Variants in CTNNA2 observed in about 807,000 individuals in gnomAD.
The protein encoded by CTNNA2 is catenin alpha-2.
Under a neutral mutation model 101.0 loss-of-function variants are expected in CTNNA2, and 42 were observed. The ratio of observed to expected loss-of-function variants is 0.42; its 90% confidence interval spans 0.32 to 0.54. The LOEUF (loss-of-function observed/expected upper bound fraction) is 0.54, where lower values mean the gene tolerates loss of function less well. CTNNA2 is among the 20% of genes least tolerant of loss of function. The pLI is 0.14. For missense variants in CTNNA2, 871 were observed against 1,223.1 expected, an observed-to-expected ratio of 0.71 and a Z score of 4.29; for synonymous variants, 450 against 456.4, an observed-to-expected ratio of 0.99 and a Z score of 0.18.
At chr2:79,606,358 C>A (rs1026596071) in intron 1 of CTNNA2, among the ~76,000 whole-genome samples, 1 of 152,160 alleles carries the variant, frequency 6.6e-6, no homozygotes, top group South Asian at 2.1e-4. Flanking sequence ...AGCTCTGCCT[C>A]CCGAGTTCAT....
chr2:79,608,701 A>G (rs775814943), intron 1 of CTNNA2, among the ~76,000 whole-genome samples: 5 of 152,140 alleles, frequency 3.3e-5, no homozygotes, highest in Non-Finnish European at 7.4e-5. Context: ...TTGAAAACTT[A>G]TATTCATTCA....
At chr2:79,320,624 T>C (rs1676598783) in intron 3 of CTNNA2, among the ~76,000 whole-genome samples, 1 of 152,162 alleles carries the variant, frequency 6.6e-6, no homozygotes, top group South Asian at 2.1e-4. Context: ...GACAGCCTTG[T>C]AGATGTTGGA....
intron 2 of CTNNA2, among the ~76,000 whole-genome samples, chr2:79,672,526 C>T (rs941079433): frequency 6.6e-6 from 1 of 151,828 alleles, no homozygotes; most frequent in African/African-American, 2.4e-5. Flanking sequence ...AAAAAGTCAA[C>T]AAGTCAACAT....
At chr2:80,595,590 G>A (rs1436779223) in intron 15 of CTNNA2, among the ~76,000 whole-genome samples, 1 of 152,160 alleles carries the variant, frequency 6.6e-6, no homozygotes, top group East Asian at 1.9e-4. Context: ...CATTGAGTAT[G>A]AATAAAGTAA....
At chr2:79,305,366 A>G (rs1676214037) in intron 2 of CTNNA2, among the ~76,000 whole-genome samples, 1 of 134,278 alleles carries the variant, frequency 7.4e-6, no homozygotes, top group Non-Finnish European at 1.6e-5. Flanking sequence ...ATATACATAT[A>G]TATACACATA....
At chr2:79,342,812 C>T (rs1029258901) in intron 3 of CTNNA2, among the ~76,000 whole-genome samples, 1 of 152,132 alleles carries the variant, frequency 6.6e-6, no homozygotes, top group Non-Finnish European at 1.5e-5. Context: ...GGAGTATTTA[C>T]CATGTGCCTA....
intron 8 of CTNNA2, among the ~76,000 whole-genome samples, chr2:80,417,229 A>G (rs1680122308): frequency 6.6e-6 from 1 of 151,492 alleles, no homozygotes; most frequent in African/African-American, 2.4e-5. Context: ...TTAAATTAAG[A>G]TAACATATTA....
intron 4 of CTNNA2, among the ~76,000 whole-genome samples, chr2:79,485,631 A>G (rs886444621): frequency 2.0e-5 from 3 of 152,234 alleles, no homozygotes; most frequent in Non-Finnish European, 4.4e-5. Context: ...CAGAGCCACA[A>G]CTCTGACTGC....
At chr2:79,895,787 G>A (rs1684671111) in intron 6 of CTNNA2, among the ~76,000 whole-genome samples, 1 of 151,266 alleles carries the variant, frequency 6.6e-6, no homozygotes, top group African/African-American at 2.4e-5. Flanking sequence ...TCAGTAGTAG[G>A]CCCATGGTTT....
At chr2:79,619,263 T>G (rs569227592) in intron 1 of CTNNA2, among the ~76,000 whole-genome samples, 6 of 152,184 alleles carry the variant, frequency 3.9e-5, no homozygotes, top group Non-Finnish European at 7.3e-5. Context: ...ATGAGCATAT[T>G]CTATCCTTAT....
chr2:80,123,705 G>A (rs1701972300), intron 7 of CTNNA2, among the ~76,000 whole-genome samples: 1 of 152,042 alleles, frequency 6.6e-6, no homozygotes, highest in African/African-American at 2.4e-5. Context: ...GTCTTAAAAA[G>A]GGCTTTGAAG....
At chr2:79,434,371 G>GA (rs1180372458) in intron 4 of CTNNA2, among the ~76,000 whole-genome samples, 4 of 151,674 alleles carry the variant, frequency 2.6e-5, no homozygotes, top group African/African-American at 9.7e-5. Context: ...ATGAAAAAGA[G>GA]AACATTCTAG....
At chr2:80,512,286 A>G (rs1484508268) in intron 9 of CTNNA2, among the ~76,000 whole-genome samples, 1 of 152,140 alleles carries the variant, frequency 6.6e-6, no homozygotes, top group East Asian at 1.9e-4. Context: ...AAATATGCCC[A>G]TAACTTCTTG....
intron 7 of CTNNA2, among the ~76,000 whole-genome samples, chr2:80,308,320 G>A (rs1262133465): frequency 6.6e-6 from 1 of 152,178 alleles, no homozygotes; most frequent in African/African-American, 2.4e-5. Flanking sequence ...CAATGTTCAA[G>A]GAAGGAAATT....
intron 3 of CTNNA2, among the ~76,000 whole-genome samples, chr2:79,356,908 CAT>C (rs1677520735): frequency 6.6e-6 from 1 of 152,066 alleles, no homozygotes; most frequent in Non-Finnish European, 1.5e-5. Context: ...GAGATTTAAA[CAT>C]AGTTATGATT....
intron 1 of CTNNA2, among the ~76,000 whole-genome samples, chr2:79,633,294 A>G (rs1173263079): frequency 6.6e-6 from 1 of 152,228 alleles, no homozygotes; most frequent in Non-Finnish European, 1.5e-5. Flanking sequence ...CAACAGTGTC[A>G]TGCCTAGTTA....
intron 3 of CTNNA2, among the ~76,000 whole-genome samples, chr2:79,761,580 A>G (rs950042003): frequency 1.5e-4 from 23 of 152,208 alleles, no homozygotes; most frequent in Non-Finnish European, 2.2e-4. Flanking sequence ...ACGTATTTGT[A>G]TGGGCTGCAT....
At chr2:80,162,362 T>C in intron 7 of CTNNA2, 1 of 1,266,042 alleles carries the variant, frequency 7.9e-7, no homozygotes, top group Non-Finnish European at 1.1e-6. Context: ...AGCTGCTCTG[T>C]ACAGTTTTTC....
intron 9 of CTNNA2, among the ~76,000 whole-genome samples, chr2:80,471,194 C>G (rs777874326): frequency 1.3e-5 from 2 of 152,148 alleles, no homozygotes; most frequent in Non-Finnish European, 2.9e-5. Flanking sequence ...TTTGGAAGAA[C>G]GGAAGCAGGA....
Sources: gnomAD v4.1 joint callset for allele counts (sites outside exome capture counted in the v4.1 genomes callset) on GRCh38, gnomAD v4.1.1 for gene constraint, MANE v1.5 for transcripts, NCBI Gene and HGNC (gene_info 2026-07-23, HGNC 2026-07-21) for gene names.